BCAS3: variants seen among roughly 807,000 people sequenced by gnomAD.
BCAS3 encodes BCAS3 microtubule associated cell migration factor, also known as BCAS4/BCAS3 fusion.
Under a neutral mutation model 116.1 loss-of-function variants are expected in BCAS3, and 53 were observed. That is an observed-to-expected ratio of 0.46 (90% confidence interval 0.37 to 0.57). BCAS3 has a LOEUF of 0.57. Among genes scored for constraint, BCAS3 ranks in the 20% least tolerant of loss-of-function variants. The pLI is 0.00. For missense variants in BCAS3, 917 were observed against 1,165.4 expected (o/e 0.79, Z 3.10); for synonymous variants, 391 against 408.2 (o/e 0.96, Z 0.51).
intron 7 of BCAS3, among the ~76,000 whole-genome samples, chr17:60,867,689 A>G (rs2054737652): frequency 1.3e-5 from 2 of 152,168 alleles, no homozygotes. Flanking sequence ...ATTTCTATGC[A>G]CAGATTGGTA....
intron 4 of BCAS3, among the ~76,000 whole-genome samples, chr17:60,693,791 C>G (rs1351779083): frequency 6.7e-6 from 1 of 149,928 alleles, no homozygotes; most frequent in East Asian, 1.9e-4. Context: ...TTTTCAGTTG[C>G]AAGTAATTGT....
chr17:60,684,429 C>T (rs1396783519), intron 3 of BCAS3, among the ~76,000 whole-genome samples: 2 of 152,134 alleles, frequency 1.3e-5, no homozygotes, highest in Non-Finnish European at 2.9e-5. Flanking sequence ...AAATCTACAT[C>T]TCTTTTATAT....
chr17:61,160,073 T>TA (rs2078080620), intron 22 of BCAS3, among the ~76,000 whole-genome samples: 1 of 151,802 alleles, frequency 6.6e-6, no homozygotes, highest in Non-Finnish European at 1.5e-5. Context: ...GAACCATCTA[T>TA]AAATACATTT....
At chr17:60,889,550 A>G in intron 9 of BCAS3, 145 bp from the exon 10 acceptor site, 1 of 660,926 alleles carries the variant, frequency 1.5e-6, no homozygotes, top group Non-Finnish European at 2.6e-6. Flanking sequence ...AGCTAACAAA[A>G]TAATGACTAG....
chr17:61,044,987 C>T (rs1472920246), intron 19 of BCAS3, among the ~76,000 whole-genome samples: 1 of 151,850 alleles, frequency 6.6e-6, no homozygotes, highest in Non-Finnish European at 1.5e-5. Flanking sequence ...GTCTTGATCT[C>T]CTGACCTTGT....
chr17:61,061,913 GATAA>G (rs2070089391), intron 19 of BCAS3, among the ~76,000 whole-genome samples: 1 of 152,160 alleles, frequency 6.6e-6, no homozygotes, highest in African/African-American at 2.4e-5. Flanking sequence ...CAGAGATAAT[GATAA>G]ATAAACAGAT....
At chr17:60,770,065 T>G (rs1291801802) in intron 6 of BCAS3, among the ~76,000 whole-genome samples, 1 of 151,926 alleles carries the variant, frequency 6.6e-6, no homozygotes, top group Non-Finnish European at 1.5e-5. Flanking sequence ...GAGCCACCAT[T>G]CCCAGTCCAA....
Position 61,363,183 on chromosome 17 carries a change from A to G in BCAS3, c.2426-5144A>G, listed in dbSNP as rs1007168337. Among the ~76,000 whole-genome samples, 3 of 152,238 alleles carry G rather than the reference A, an allele frequency of 2.0e-5. No individual in the cohort carries two copies. Among genetic ancestry groups the G allele is most frequent in the African/African-American group, 7.2e-5 (3 of 41,466 alleles). Reference sequence around the variant, plus strand: ...AACCTGGGGTCCACAGGTGGGTTTCAGAGGCATCCATAGATGCCCCAAAAT... The same window carrying G: ...AACCTGGGGTCCACAGGTGGGTTTCGGAGGCATCCATAGATGCCCCAAAAT... On this transcript the variant is annotated intron_variant, in intron 22 of 23. Transcript: ENST00000407086. The surrounding 1 kb of genome is among the most constrained non-coding windows in gnomAD (Gnocchi z 4.9).
At position 61,140,494 on chromosome 17, in the gene BCAS3, T is replaced by C. The variant is rs1407352752; in HGVS notation, c.2425+55930T>C. On this transcript the variant is annotated intron_variant, in intron 22 of 23. Coordinates refer to ENST00000407086, the MANE Select transcript of BCAS3 (RefSeq NM_017679.5). The surrounding 1 kb of genome is among the most constrained non-coding windows in gnomAD (Gnocchi z 4.2). ...GAAACATTAAAGAAAAGTAACCCTG[T>C]TAAGTGGTTATCACAATCAAACATT... 6.6e-6 allele frequency among the ~76,000 whole-genome samples: 1 copy of C among 152,162 alleles called. No individual in the cohort carries two copies.
chr17:61,338,773 T>C (rs1395350550), intron 22 of BCAS3, among the ~76,000 whole-genome samples: 1 of 151,864 alleles, frequency 6.6e-6, no homozygotes, highest in Non-Finnish European at 1.5e-5. Context: ...GCCTTTTCCA[T>C]TTCCTAGGAA....
At position 61,341,173 on chromosome 17, in the gene BCAS3, CTG is replaced by C. The variant is rs1279309677; in HGVS notation, c.2426-27152_2426-27151del. On this transcript the variant is annotated intron_variant, in intron 22 of 23. Coordinates refer to ENST00000407086, the MANE Select transcript of BCAS3 (RefSeq NM_017679.5). ...GGCATGGGGCGGGCACAGGAACAGA[CTG>C]TAACAAGAAGGGGCAGTGGGTGGAA... Among the ~76,000 whole-genome samples the C allele has an allele frequency of 3.3e-5, 5 of 152,206 alleles. No homozygotes were observed. In the East Asian group the frequency reaches 9.7e-4, roughly 29 times the overall value.
intron 4 of BCAS3, among the ~76,000 whole-genome samples, chr17:60,701,166 C>A (rs777358759): frequency 5.9e-5 from 9 of 151,912 alleles, no homozygotes; most frequent in Non-Finnish European, 1.2e-4. Flanking sequence ...ATCGCTTTAA[C>A]TGGGGAGGCG....
chr17:61,270,958 C>T (rs1298284897), intron 22 of BCAS3, among the ~76,000 whole-genome samples: 1 of 151,442 alleles, frequency 6.6e-6, no homozygotes, highest in African/African-American at 2.4e-5. Flanking sequence ...CGGGTTTCTC[C>T]ATGTTGGTCA....
At position 60,967,729 on chromosome 17, in the gene BCAS3, T is replaced by A. The variant is rs945656716; in HGVS notation, c.1221+20377T>A. Among the ~76,000 whole-genome samples, 2 of 152,134 alleles carry A rather than the reference T, an allele frequency of 1.3e-5. No homozygotes were observed. Among genetic ancestry groups the A allele is most frequent in the African/African-American group, 4.8e-5 (2 of 41,430 alleles). ...GTGGTATTCATTCCTTTTTGTTCTT[T>A]GTCCTTCTCCCACCACCCCCCACAC... On this transcript the variant is annotated intron_variant, in intron 14 of 23. Transcript: ENST00000407086. This position sits in a 1 kb window ranked among gnomAD's most constrained non-coding sequence, Gnocchi z 4.7.
intron 22 of BCAS3, among the ~76,000 whole-genome samples, chr17:61,245,809 A>AG (rs2047893898): frequency 6.7e-6 from 1 of 148,708 alleles, no homozygotes; most frequent in Non-Finnish European, 1.5e-5. Flanking sequence ...TCTCATTGAA[A>AG]GAAAAAAAAA....
intron 22 of BCAS3, among the ~76,000 whole-genome samples, chr17:61,190,868 G>T (rs972790916): frequency 1.3e-5 from 2 of 152,132 alleles, no homozygotes; most frequent in African/African-American, 4.8e-5. Flanking sequence ...CTCCCAAAGT[G>T]CTTGGATTAC....
chr17:60,924,567 C>A, intron 13 of BCAS3, 67 bp downstream of exon 13: 1 of 1,208,638 alleles, frequency 8.3e-7, no homozygotes, highest in Non-Finnish European at 1.2e-6. Flanking sequence ...GTTTTCCAGC[C>A]AAATATGGAA....
intron 19 of BCAS3, among the ~76,000 whole-genome samples, chr17:61,049,256 C>T (rs1372024436): frequency 1.3e-5 from 2 of 151,846 alleles, no homozygotes; most frequent in Non-Finnish European, 2.9e-5. Context: ...AACCATGATT[C>T]TGTCACTGCA....
At chr17:61,334,685 A>AAC (rs2056579057) in intron 22 of BCAS3, among the ~76,000 whole-genome samples, 1 of 151,158 alleles carries the variant, frequency 6.6e-6, no homozygotes, top group Non-Finnish European at 1.5e-5. Flanking sequence ...AAAAAAAAAA[A>AAC]AAAACACCAA....
Sources: gnomAD v4.1 joint callset for allele counts (sites outside exome capture counted in the v4.1 genomes callset) on GRCh38, gnomAD v4.1.1 for gene constraint, Gnocchi (gnomAD v3.1) non-coding constraint, MANE v1.5 for transcripts, NCBI Gene and HGNC (gene_info 2026-07-23, HGNC 2026-07-21) for gene names.